The following TANK variants were observed in gnomAD, a reference collection of about 807,000 sequenced individuals.
The protein encoded by TANK is TRAF family member associated NFKB activator.
TANK carries 15 observed loss-of-function variants against 43.6 expected under a neutral mutation model. The observed-to-expected ratio is 0.34, with a 90% CI of 0.23 to 0.53. The LOEUF is 0.53. Ranked by LOEUF, TANK falls within the 20% of genes least tolerant of loss-of-function variation. The probability of loss-of-function intolerance (pLI) is 0.94; values close to 1 mark genes in which losing one functional copy is unlikely to be tolerated. For missense variants in TANK, 417 were observed against 498.6 expected, an observed-to-expected ratio of 0.84 and a Z score of 1.56; for synonymous variants, 162 against 178.2, an observed-to-expected ratio of 0.91 and a Z score of 0.73.
chr2:161,229,726 T>C (rs950843521), intron 6 of TANK, among the ~76,000 whole-genome samples: 1 of 152,230 alleles, frequency 6.6e-6, no homozygotes, highest in Middle Eastern at 3.2e-3. Flanking sequence ...TACTAACCTG[T>C]ACAGATACTT....
chr2:161,213,929 TC>T (rs1687011161), intron 4 of TANK, among the ~76,000 whole-genome samples: 1 of 152,222 alleles, frequency 6.6e-6, no homozygotes, highest in African/African-American at 2.4e-5. Context: ...TTTGAGTATG[TC>T]TTTTACTAAT....
At chr2:161,210,475 A>G (rs1180343632) in intron 4 of TANK, among the ~76,000 whole-genome samples, 2 of 152,174 alleles carry the variant, frequency 1.3e-5, no homozygotes, top group African/African-American at 4.8e-5. Flanking sequence ...AGCAATTAGC[A>G]AGCATTATAA....
intron 4 of TANK, among the ~76,000 whole-genome samples, chr2:161,215,248 G>T (rs950413357): frequency 6.6e-6 from 1 of 152,082 alleles, no homozygotes; most frequent in Non-Finnish European, 1.5e-5. Flanking sequence ...AAATCATATT[G>T]CCTTTTTCTT....
At position 161,231,448 on chromosome 2, in the gene TANK, A is replaced by G; in HGVS notation, c.998A>G (p.Asp333Gly). 6.2e-7 allele frequency: 1 copy of G among 1,614,156 alleles called. No homozygotes were observed. The highest frequency in any genetic ancestry group is 8.5e-7 in the Non-Finnish European group (1 of 1,180,020). Reference sequence around the variant, plus strand: ...AGAGCTGCGTGTTTGCCACCTGGAGACCATAATGCATTATATGTAAATAGC... The same window carrying G: ...AGAGCTGCGTGTTTGCCACCTGGAGGCCATAATGCATTATATGTAAATAGC... ...LDRAACLPPG[D>G]HNALYVNSFP... The change falls in exon 7 of 8, where the codon GAC becomes GGC. Residue 333 changes from aspartate to glycine, a missense_variant. Asp to Gly is a moderately conservative substitution (Grantham distance 94). Transcript: ENST00000392749.
chr2:161,165,831 A>T (rs1684653237), intron 1 of TANK, among the ~76,000 whole-genome samples: 2 of 152,222 alleles, frequency 1.3e-5, no homozygotes, highest in Admixed American at 1.3e-4. Context: ...AAGATTACTC[A>T]GTTCAGCACA....
At chr2:161,208,235 T>C in intron 4 of TANK, 2 of 985,278 alleles carry the variant, frequency 2.0e-6, no homozygotes, top group Non-Finnish European at 2.4e-6. Context: ...GAGGGATATT[T>C]GAAGGGGAAA....
chr2:161,165,593 T>C (rs1684641663), intron 1 of TANK, among the ~76,000 whole-genome samples: 2 of 152,186 alleles, frequency 1.3e-5, no homozygotes, highest in Admixed American at 1.3e-4. Context: ...TCCTAGAGGA[T>C]TGTAATACAT....
At chr2:161,147,356 C>T (rs749438380) in intron 1 of TANK, among the ~76,000 whole-genome samples, 3 of 152,158 alleles carry the variant, frequency 2.0e-5, no homozygotes, top group Admixed American at 1.3e-4. Flanking sequence ...CTGCCCCTGC[C>T]CCTGGGAACT....
In TANK at chr2:161,235,560, T is replaced by A. The variant is rs1688139381; in HGVS notation, c.*42T>A. On this transcript the variant is annotated 3_prime_UTR_variant, in exon 8 of 8. Coordinates refer to ENST00000392749, the MANE Select transcript of TANK (RefSeq NM_001199135.3). The stretch of plus-strand genomic sequence containing the variant: ...GACATATCAAGTTCTATGTGATGAT[T>A]TTGGGTTTTTAATACTATAAATACT... 1 of 1,525,620 alleles carries A rather than the reference T, an allele frequency of 6.6e-7. No individual in the cohort carries two copies. Among genetic ancestry groups the A allele is most frequent in the Non-Finnish European group, 8.8e-7 (1 of 1,131,236 alleles). The allele number at this position is 1,525,620 out of a possible 1,614,324, so 94.5% of individuals were successfully genotyped here.
chr2:161,196,536 G>A (rs1231918348), intron 2 of TANK, among the ~76,000 whole-genome samples: 3 of 152,128 alleles, frequency 2.0e-5, no homozygotes, highest in African/African-American at 7.2e-5. Flanking sequence ...TATCTACTGG[G>A]AAATCTTAAT....
intron 1 of TANK, chr2:161,162,915 A>G (rs1184441205): frequency 6.6e-6 from 1 of 152,200 alleles, no homozygotes; most frequent in Non-Finnish European, 1.5e-5. Context: ...GACATCTATC[A>G]TAACCTTTCA....
At chr2:161,215,845 A>C (rs1467757983) in intron 4 of TANK, among the ~76,000 whole-genome samples, 3 of 152,130 alleles carry the variant, frequency 2.0e-5, no homozygotes, top group African/African-American at 4.8e-5. Context: ...ATGTTACGAA[A>C]GCTGATTTAT....
At chr2:161,186,027 G>GGAC (rs1359197189) in intron 2 of TANK, among the ~76,000 whole-genome samples, 1 of 152,054 alleles carries the variant, frequency 6.6e-6, no homozygotes, top group Non-Finnish European at 1.5e-5. Flanking sequence ...AAAATTAGCT[G>GGAC]GACATGGTGG....
intron 6 of TANK, among the ~76,000 whole-genome samples, chr2:161,228,821 G>T (rs1160309397): frequency 6.6e-6 from 1 of 152,112 alleles, no homozygotes; most frequent in Non-Finnish European, 1.5e-5. Flanking sequence ...CCTTTTCAGT[G>T]TTTAAATACA....
intron 6 of TANK, among the ~76,000 whole-genome samples, 185 bp downstream of exon 6, chr2:161,224,931 G>T (rs946487821): frequency 1.3e-5 from 2 of 151,774 alleles, no homozygotes; most frequent in Non-Finnish European, 2.9e-5. Flanking sequence ...GTAATTGTTG[G>T]TTTTTTTCTC....
intron 2 of TANK, among the ~76,000 whole-genome samples, chr2:161,185,281 T>C (rs1685605668): frequency 6.6e-6 from 1 of 152,134 alleles, no homozygotes; most frequent in Non-Finnish European, 1.5e-5. Context: ...TCTAGTAAGA[T>C]GACAACTGAG....
upstream of TANK, among the ~76,000 whole-genome samples, chr2:161,155,864 G>T (rs1164471483): frequency 6.6e-6 from 1 of 152,114 alleles, no homozygotes; most frequent in Non-Finnish European, 1.5e-5. Context: ...ACCCAGTATA[G>T]ACACCAAGTT....
At chr2:161,205,891 C>T (rs1686630504) in intron 4 of TANK, among the ~76,000 whole-genome samples, 1 of 152,132 alleles carries the variant, frequency 6.6e-6, no homozygotes. Context: ...GCAACCTCCA[C>T]CTCCTGGGTT....
At chr2:161,196,721 G>A (rs980553444) in intron 2 of TANK, among the ~76,000 whole-genome samples, 4 of 151,932 alleles carry the variant, frequency 2.6e-5, no homozygotes, top group African/African-American at 9.7e-5. Context: ...CAGGTGTGAT[G>A]CGGGAGCGCT....
Sources: allele counts gnomAD v4.1 joint callset (sites outside exome capture counted in the v4.1 genomes callset), GRCh38; gene constraint gnomAD v4.1.1; transcripts MANE v1.5; gene names NCBI Gene and HGNC (gene_info 2026-07-23, HGNC 2026-07-21).